Variants in PCDHA9 observed in about 807,000 individuals in gnomAD.
PCDHA9 encodes protocadherin alpha-9.
PCDHA9 carries 62 observed loss-of-function variants against 62.0 expected under a neutral mutation model. The ratio of observed to expected loss-of-function variants is 1.00; its 90% CI spans 0.81 to 1.23. The LOEUF is 1.23. PCDHA9 is among the 50% of genes most tolerant of loss of function. PCDHA9 has a pLI of 0.00. For synonymous variants in PCDHA9, 557 were observed against 567.6 expected (o/e 0.98, Z 0.27); for missense variants, 1,205 against 1,249.8 (o/e 0.96, Z 0.54).
Position 140,969,579 on chromosome 5 carries a change from G to A in PCDHA9, c.2395-9370G>A, listed in dbSNP as rs373969836. Reference sequence around the variant, plus strand: ...TCCATAAAATTGTTTGAGAAGTGAGGATTAGTCTTAATATTTAATGCTAAA... The same window carrying A: ...TCCATAAAATTGTTTGAGAAGTGAGAATTAGTCTTAATATTTAATGCTAAA... On this transcript the variant is annotated intron_variant, in intron 1 of 3. Coordinates refer to ENST00000532602, the MANE Select transcript of PCDHA9 (RefSeq NM_031857.2). 1,666 of 951,704 alleles carry A rather than the reference G, an allele frequency of 1.8e-3. 9 individuals carry two copies. The Middle Eastern group carries it at 0.019, about 11-fold the overall frequency. 59.0% of individuals were successfully genotyped at this position (951,704 alleles called of 1,614,324 possible). A position where few individuals can be genotyped will look rare whatever the true frequency, so the allele number is the denominator to read the frequency against.
Position 140,849,989 on chromosome 5 carries a change from G to A in PCDHA9, c.1494G>A (p.Arg498=). 2.5e-6 allele frequency: 4 copies of A among 1,597,330 alleles called. No homozygotes were observed. The highest frequency in any genetic ancestry group is 3.4e-6 in the Non-Finnish European group (4 of 1,167,858). Residue 498 remains arginine, a synonymous_variant, in exon 1 of 4, where the codon CGG becomes CGA. Transcript: ENST00000532602. ...ALVSYSLVER[R]LGERSLSSYV... ...TGTCCTACTCGCTGGTGGAGCGGCG[G>A]TTGGGCGAGCGCTCGCTGTCGAGCT...
chr5:140,990,611 G>T lies in PCDHA9; in HGVS notation c.2542+8048G>T, dbSNP rs577900189. ...AATCACCTGGAGTCAGATGAATACCGTAAAGGTCTGTGGTAAGACTAGAAG... is the reference window on the plus strand; with the variant it reads ...AATCACCTGGAGTCAGATGAATACCTTAAAGGTCTGTGGTAAGACTAGAAG... On this transcript the variant is annotated intron_variant, in intron 3 of 3. Transcript: ENST00000532602. 5.3e-5 allele frequency among the ~76,000 whole-genome samples: 8 copies of T among 152,230 alleles called. No homozygotes were observed. In the East Asian group the frequency reaches 9.6e-4, roughly 18 times the overall value.
At chr5:140,942,860 G>T (rs1262172468) in intron 1 of PCDHA9, among the ~76,000 whole-genome samples, 15 of 151,964 alleles carry the variant, frequency 9.9e-5, no homozygotes, top group Admixed American at 9.8e-4. Context: ...TGATTATTTT[G>T]CTTTAGCATG....
rs781820550 is a variant in PCDHA9, at chr5:140,869,927, G to A, written c.2394+19038G>A. 14 of 1,611,538 alleles carry A rather than the reference G, an allele frequency of 8.7e-6. No individual in the cohort carries two copies. The East Asian group carries it at 2.5e-4, about 28-fold the overall frequency. On this transcript the variant is annotated intron_variant, in intron 1 of 3. Coordinates refer to ENST00000532602, the MANE Select transcript of PCDHA9 (RefSeq NM_031857.2). ...ACAGACCGAGACGAAGGAGTCAATG[G>A]AGAGGTAACATACTCCTTAATGTCA...
intron 1 of PCDHA9, among the ~76,000 whole-genome samples, chr5:140,899,719 C>A (rs2067514429): frequency 6.6e-6 from 1 of 152,198 alleles, no homozygotes; most frequent in Non-Finnish European, 1.5e-5. Flanking sequence ...AGGATTCCCT[C>A]TTTTTCTATT....
chr5:140,866,156 GAA>G (rs1441624325), intron 1 of PCDHA9: 1 of 152,104 alleles, frequency 6.6e-6, no homozygotes, highest in Admixed American at 6.5e-5. Flanking sequence ...ATATAAGTAA[GAA>G]TCGTTTAACA....
At chr5:140,970,911 T>C (rs1003828575) in intron 1 of PCDHA9, among the ~76,000 whole-genome samples, 2 of 152,194 alleles carry the variant, frequency 1.3e-5, no homozygotes, top group East Asian at 3.9e-4. Context: ...ATTTATTCAT[T>C]TATCAGAAGT....
At chr5:140,905,021 G>A (rs1443702216) in intron 1 of PCDHA9, among the ~76,000 whole-genome samples, 1 of 152,078 alleles carries the variant, frequency 6.6e-6, no homozygotes, top group African/African-American at 2.4e-5. Flanking sequence ...TCTTTTCTAT[G>A]CAGAAGCTTT....
In PCDHA9 at chr5:140,850,673, G is replaced by T. The variant is rs2150493281; in HGVS notation, c.2178G>T (p.Met726Ile). The stretch of plus-strand genomic sequence containing the variant: ...ACACTGTGCTGCGGTGCTCGGCGAT[G>T]CCCACCGAGGGCGAGTGCGCGCCTG... ...LLYTVLRCSA[M>I]PTEGECAPGK... Residue 726 changes from methionine to isoleucine, a missense_variant, in exon 1 of 4, where the codon ATG (methionine) becomes ATT (isoleucine). By Grantham distance (10) the Met-to-Ile change is conservative. Coordinates refer to ENST00000532602, the MANE Select transcript of PCDHA9 (RefSeq NM_031857.2). The T allele has an allele frequency of 1.3e-6, 2 of 1,598,494 alleles. No homozygotes were observed. Among genetic ancestry groups the T allele is most frequent in the African/African-American group, 2.7e-5 (2 of 74,392 alleles).
chr5:140,883,643 G>A (rs1182808577), intron 1 of PCDHA9: 2 of 1,613,822 alleles, frequency 1.2e-6, no homozygotes, highest in Non-Finnish European at 1.7e-6. Context: ...CGCGCAGCCC[G>A]AGTACACGGT....
chr5:140,906,718 G>C (rs1554192673), intron 1 of PCDHA9, among the ~76,000 whole-genome samples: 1 of 152,140 alleles, frequency 6.6e-6, no homozygotes, highest in Admixed American at 6.5e-5. Flanking sequence ...TGCCTGGATT[G>C]TGCTGTTGTA....
chr5:140,934,511 T>A (rs999288213), intron 1 of PCDHA9, among the ~76,000 whole-genome samples: 1 of 152,210 alleles, frequency 6.6e-6, no homozygotes, highest in African/African-American at 2.4e-5. Context: ...AAAGGGTCCA[T>A]AGACCACACT....
intron 1 of PCDHA9, chr5:140,968,519 A>G (rs1030847582): frequency 1.2e-6 from 2 of 1,614,008 alleles, no homozygotes; most frequent in South Asian, 1.1e-5. Flanking sequence ...CCCTACCTCA[A>G]CCAACTCGTC....
At chr5:141,007,573 T>G (rs2153992759) in intron 3 of PCDHA9, among the ~76,000 whole-genome samples, 1 of 151,796 alleles carries the variant, frequency 6.6e-6, no homozygotes, top group African/African-American at 2.4e-5. Context: ...ATCTCAAATT[T>G]AAAAAATAAT....
At position 140,849,066 on chromosome 5, in the gene PCDHA9, C is replaced by A. The variant is rs2040764051; in HGVS notation, c.571C>A (p.Pro191Thr). ...GCCAACCAGCAACCAGCAGGTAAAA[C>A]CTCTTGGACTTGTATTACGGAAACT... Reference protein sequence around the residue: ...DVPTSNQQVKPLGLVLRKLLD... With the variant: ...DVPTSNQQVKTLGLVLRKLLD... The change falls in exon 1 of 4, where the codon CCT becomes ACT. Residue 191 changes from proline (P) to threonine (T), a missense_variant. Pro to Thr is a conservative substitution (Grantham distance 38, BLOSUM62 -1). Transcript: ENST00000532602. 1 of 1,540,002 alleles carries A rather than the reference C, an allele frequency of 6.5e-7. No homozygotes were observed. The highest frequency in any genetic ancestry group is 8.8e-7 in the Non-Finnish European group (1 of 1,133,212).
chr5:140,851,325 T>G (rs2042028843), intron 1 of PCDHA9: 3 of 984,014 alleles, frequency 3.0e-6, no homozygotes, highest in South Asian at 4.6e-5. Context: ...TTGTTAAGTT[T>G]GTAGTTCTCT....
At chr5:140,920,825 G>A (rs557360536) in intron 1 of PCDHA9, among the ~76,000 whole-genome samples, 12 of 150,152 alleles carry the variant, frequency 8.0e-5, no homozygotes, top group African/African-American at 2.4e-4. Context: ...GCCTGGCGAC[G>A]GAGCAAGACC....
chr5:140,850,200 C>T lies in PCDHA9; in HGVS notation c.1705C>T (p.Arg569Trp). The T allele has an allele frequency of 6.3e-7, 1 of 1,593,442 alleles. No homozygotes were observed. Residue 569 changes from arginine (R) to tryptophan (W), a missense_variant, in exon 1 of 4, where the codon CGG becomes TGG. Transcript: ENST00000532602. ...CAATGCGCCGGCGCTGCTGACACCT[C>T]GGATGAGGGGCACTGACGGCGCAGT... is the stretch of plus-strand genomic sequence containing the variant. Reference protein sequence around the residue: ...NDNAPALLTPRMRGTDGAVSE... With the variant: ...NDNAPALLTPWMRGTDGAVSE...
chr5:140,857,869 G>T (rs782395924), intron 1 of PCDHA9: 3 of 1,597,830 alleles, frequency 1.9e-6, no homozygotes, highest in Admixed American at 1.7e-5. Flanking sequence ...CGTGGCTGTC[G>T]TATGAATTGC....
Sources: gnomAD v4.1 joint callset for allele counts (sites outside exome capture counted in the v4.1 genomes callset) on GRCh38, gnomAD v4.1.1 for gene constraint, MANE v1.5 for transcripts, NCBI Gene and HGNC (gene_info 2026-07-23, HGNC 2026-07-21) for gene names.